The following MAP2K6 variants were observed in gnomAD, a reference collection of about 807,000 sequenced individuals.
The protein encoded by MAP2K6 is mitogen-activated protein kinase kinase 6.
Under a neutral mutation model 53.7 loss-of-function variants are expected in MAP2K6, and 16 were observed. That is an observed-to-expected ratio of 0.30 (90% CI 0.20 to 0.45). The LOEUF (loss-of-function observed/expected upper bound fraction) is 0.45, where lower values mean the gene tolerates loss of function less well. Among genes scored for constraint, MAP2K6 ranks in the 20% least tolerant of loss-of-function variants. MAP2K6 has a pLI of 1.00. For synonymous variants in MAP2K6, 132 were observed against 143.1 expected, an observed-to-expected ratio of 0.92 and a Z score of 0.55; for missense variants, 204 against 411.9, an observed-to-expected ratio of 0.50 and a Z score of 4.37.
chr17:69,534,017 C>A (rs1911227031), intron 10 of MAP2K6, among the ~76,000 whole-genome samples: 3 of 152,166 alleles, frequency 2.0e-5, no homozygotes. Flanking sequence ...TCTCTGCACT[C>A]ATGACATTTT....
Position 69,505,774 on chromosome 17 carries a change from C to T in MAP2K6, c.17-6C>T. ...CTTAACTTTTTCCTTTTGTCTTTCC[C>T]CATAGGCAAGAAGCGAAACCCTGGC... On this transcript the variant is annotated splice_polypyrimidine_tract_variant and splice_region_variant and intron_variant, in intron 1 of 11. Coordinates refer to ENST00000590474, the MANE Select transcript of MAP2K6 (RefSeq NM_002758.4). 2 of 1,612,322 alleles carry T rather than the reference C, an allele frequency of 1.2e-6. No individual in the cohort carries two copies. The highest frequency in any genetic ancestry group is 1.7e-6 in the Non-Finnish European group (2 of 1,178,536).
chr17:69,476,709 T>A (rs1908162765), intron 1 of MAP2K6, among the ~76,000 whole-genome samples: 1 of 152,144 alleles, frequency 6.6e-6, no homozygotes, highest in Admixed American at 6.5e-5. Flanking sequence ...ATCTCCCCTC[T>A]CCTTTTTGGG....
At position 69,502,743 on chromosome 17, in the gene MAP2K6, G is replaced by C. The variant is rs377224553; in HGVS notation, c.17-3037G>C. 1.8e-5 allele frequency: 18 copies of C among 977,128 alleles called. No individual in the cohort carries two copies. The East Asian group carries it at 1.5e-3, about 81-fold the overall frequency. The allele number at this position is 977,128 out of a possible 1,614,324, so 60.5% of individuals were successfully genotyped here. ...GGTGGCTGGGTGTAACAGTGATCTG[G>C]GGAGAGAATCAAAGGCCTTCTCCTC... On this transcript the variant is annotated intron_variant, in intron 1 of 11. Coordinates refer to ENST00000590474, the MANE Select transcript of MAP2K6 (RefSeq NM_002758.4).
chr17:69,449,762 C>T (rs1176355925), intron 1 of MAP2K6, among the ~76,000 whole-genome samples: 3 of 149,304 alleles, frequency 2.0e-5, no homozygotes, highest in East Asian at 2.0e-4. Flanking sequence ...TACAGGCGCC[C>T]GCCACCTCGC....
At chr17:69,499,479 C>T (rs970229657) in intron 1 of MAP2K6, among the ~76,000 whole-genome samples, 1 of 152,182 alleles carries the variant, frequency 6.6e-6, no homozygotes, top group Non-Finnish European at 1.5e-5. Flanking sequence ...CTCAACATTA[C>T]GTCACTAAGT....
intron 1 of MAP2K6, among the ~76,000 whole-genome samples, chr17:69,449,646 G>GCT (rs1442328489): frequency 9.5e-6 from 1 of 105,394 alleles, no homozygotes; most frequent in Non-Finnish European, 1.7e-5. Flanking sequence ...ACGGAGTCTC[G>GCT]CTGTCGCCCA....
At chr17:69,519,208 C>T in intron 4 of MAP2K6, 105 bp from the exon 5 acceptor site, 1 of 1,333,790 alleles carries the variant, frequency 7.5e-7, no homozygotes, top group East Asian at 2.4e-5. Context: ...AATGTCATCG[C>T]CAGAACTTGT....
rs1912102175 is a variant in MAP2K6 at position 69,551,575 on chromosome 17, T to C, written c.*9822T>C. 1 of 152,234 alleles carries C rather than the reference T, an allele frequency of 6.6e-6. No individual in the cohort carries two copies. The highest frequency in any genetic ancestry group is 2.4e-5 in the African/African-American group (1 of 41,468). 9.4% of individuals were successfully genotyped at this position (152,234 alleles called of 1,614,324 possible). A position where few individuals can be genotyped will look rare whatever the true frequency, so the allele number is the denominator to read the frequency against. On this transcript the variant is annotated 3_prime_UTR_variant, in exon 12 of 12. Transcript: ENST00000590474. ...ATTTACATTGGGCAGCAGTTTATAG[T>C]GTTCTTGGCCAATCTGCATAAAAGC...
At chr17:69,415,646 A>T (rs1397174915) in intron 1 of MAP2K6, among the ~76,000 whole-genome samples, 1 of 152,202 alleles carries the variant, frequency 6.6e-6, no homozygotes, top group African/African-American at 2.4e-5. Context: ...GGCTCGCAAA[A>T]TTTAGAAGCA....
At chr17:69,461,346 A>G (rs866603403) in intron 1 of MAP2K6, among the ~76,000 whole-genome samples, 9 of 152,310 alleles carry the variant, frequency 5.9e-5, no homozygotes, top group South Asian at 2.1e-4. Context: ...CATAGCCAGC[A>G]GCACGTGGTC....
intron 1 of MAP2K6, among the ~76,000 whole-genome samples, chr17:69,443,749 C>T (rs774949020): frequency 1.2e-4 from 19 of 152,054 alleles, no homozygotes; most frequent in African/African-American, 3.4e-4. Context: ...GTAGAGATTC[C>T]GATAATGCAG....
At chr17:69,528,859 C>CAAAAAAAAAAAAAAA (rs58897757) in intron 10 of MAP2K6, among the ~76,000 whole-genome samples, 1 of 59,090 alleles carries the variant, frequency 1.7e-5, no homozygotes, top group Admixed American at 2.9e-4. Context: ...GACGCCATCT[C>CAAAAAAAAAAAAAAA]AAAAAAAAAA....
At chr17:69,486,012 T>A (rs1407926498) in intron 1 of MAP2K6, among the ~76,000 whole-genome samples, 1 of 152,196 alleles carries the variant, frequency 6.6e-6, no homozygotes, top group African/African-American at 2.4e-5. Flanking sequence ...TTTTCCTATT[T>A]CCATTTATGT....
intron 1 of MAP2K6, among the ~76,000 whole-genome samples, chr17:69,452,602 G>A (rs180906344): frequency 1.4e-4 from 21 of 152,280 alleles, no homozygotes; most frequent in East Asian, 1.9e-4. Flanking sequence ...GATTAAAGTG[G>A]AGTTTCATTT....
rs1906288224 is a variant in MAP2K6, at chr17:69,426,820, A to G, written c.16+11820A>G. 2.0e-5 allele frequency among the ~76,000 whole-genome samples: 3 copies of G among 152,008 alleles called. No homozygotes were observed. In the South Asian group the frequency reaches 6.2e-4, roughly 31 times the overall value. Reference sequence around the variant, plus strand: ...TTTAAAAAAAAAAAAAGAAAAGAAAATGCCCCAGCAAAGTATCTGAAGCTT... The same window carrying G: ...TTTAAAAAAAAAAAAAGAAAAGAAAGTGCCCCAGCAAAGTATCTGAAGCTT... On this transcript the variant is annotated intron_variant, in intron 1 of 11. Coordinates refer to ENST00000590474, the MANE Select transcript of MAP2K6 (RefSeq NM_002758.4).
At position 69,517,583 on chromosome 17, in the gene MAP2K6, C is replaced by T. The variant is rs200217272; in HGVS notation, c.216C>T (p.His72=). ...GAYGVVEKMR[H]VPSGQIMAVK... is the part of the protein sequence containing the mutation. The stretch of plus-strand genomic sequence containing the variant: ...ACGGGGTGGTGGAGAAGATGCGGCA[C>T]GTGCCCAGCGGGCAGATCATGGCAG... Residue 72 remains histidine, a synonymous_variant, in exon 4 of 12, where the codon CAC becomes CAT. Coordinates refer to ENST00000590474, the MANE Select transcript of MAP2K6 (RefSeq NM_002758.4). 9 of 1,606,516 alleles carry T rather than the reference C, an allele frequency of 5.6e-6. No homozygotes were observed. The highest frequency in any genetic ancestry group is 1.1e-5 in the South Asian group (1 of 90,232).
rs766594109 is a variant in MAP2K6, at chr17:69,545,702, A to G, written c.*3949A>G. 2.0e-5 allele frequency: 3 copies of G among 152,200 alleles called. No individual in the cohort carries two copies. Among genetic ancestry groups the G allele is most frequent in the Admixed American group, 1.3e-4 (2 of 15,278 alleles). 9.4% of individuals were successfully genotyped at this position (152,200 alleles called of 1,614,324 possible). A position where few individuals can be genotyped will look rare whatever the true frequency, so the allele number is the denominator to read the frequency against. The stretch of plus-strand genomic sequence containing the variant: ...AATAGCAGTTTGCACAGTGTCCTGC[A>G]TATATCACTATATTTCCCTTAAAAA... On this transcript the variant is annotated 3_prime_UTR_variant, in exon 12 of 12. Transcript: ENST00000590474.
chr17:69,472,613 T>A (rs1268985870), intron 1 of MAP2K6, among the ~76,000 whole-genome samples: 1 of 152,156 alleles, frequency 6.6e-6, no homozygotes, highest in African/African-American at 2.4e-5. Context: ...CCTGTCCAGG[T>A]TGGGTCCCAG....
At chr17:69,497,478 G>A (rs1159401076) in intron 1 of MAP2K6, among the ~76,000 whole-genome samples, 2 of 151,650 alleles carry the variant, frequency 1.3e-5, no homozygotes, top group Non-Finnish European at 2.9e-5. Context: ...GTGTAGCACA[G>A]TTTCAAAACA....
Sources: gnomAD v4.1 joint callset for allele counts (sites outside exome capture counted in the v4.1 genomes callset) on GRCh38, gnomAD v4.1.1 for gene constraint, MANE v1.5 for transcripts, NCBI Gene and HGNC (gene_info 2026-07-23, HGNC 2026-07-21) for gene names.